NEGR1: variants seen among roughly 807,000 people sequenced by gnomAD.
NEGR1 encodes the protein neuronal growth regulator 1.
In NEGR1, 10 loss-of-function variants were observed where a neutral mutation model predicts 40.9. That is an observed-to-expected ratio of 0.24 (90% confidence interval 0.15 to 0.42). NEGR1 has a LOEUF of 0.42. Among genes scored for constraint, NEGR1 ranks in the 10% least tolerant of loss-of-function variants. The probability of loss-of-function intolerance (pLI) is 1.00; values close to 1 mark genes in which losing one functional copy is unlikely to be tolerated. For synonymous variants in NEGR1, 185 were observed against 166.8 expected, an observed-to-expected ratio of 1.11 and a Z score of -0.84; for missense variants, 352 against 438.9, an observed-to-expected ratio of 0.80 and a Z score of 1.77.
At chr1:71,619,378 C>A (rs559937953) in intron 4 of NEGR1, among the ~76,000 whole-genome samples, 2 of 152,064 alleles carry the variant, frequency 1.3e-5, no homozygotes, top group Non-Finnish European at 2.9e-5. Flanking sequence ...GCTGTTTTTG[C>A]TGGGAGTAGG....
intron 2 of NEGR1, among the ~76,000 whole-genome samples, chr1:71,801,399 T>A (rs1657551041): frequency 6.6e-6 from 1 of 152,204 alleles, no homozygotes; most frequent in Admixed American, 6.6e-5. Context: ...ATCTCCCTCA[T>A]TTCTTTCCCT....
At position 71,537,432 on chromosome 1, in the gene NEGR1, G is replaced by A. The variant is rs76588041; in HGVS notation, c.940+55385C>T. Among the ~76,000 whole-genome samples, 1,070 of 151,784 alleles carry A rather than the reference G, an allele frequency of 7.0e-3. 12 individuals are homozygous for A. The highest frequency in any genetic ancestry group is 0.024 in the African/African-American group (987 of 41,462). On this transcript the variant is annotated intron_variant, in intron 6 of 6. Transcript: ENST00000357731. ...AGTACTAGTAGCTTTTTCAATAATAGGGTCTTTTTATTAAAGGTACCTAAT... is the reference window on the plus strand; with the variant it reads ...AGTACTAGTAGCTTTTTCAATAATAAGGTCTTTTTATTAAAGGTACCTAAT...
intron 3 of NEGR1, among the ~76,000 whole-genome samples, chr1:71,724,088 A>G (rs533587419): frequency 1.1e-4 from 16 of 152,008 alleles, no homozygotes; most frequent in African/African-American, 2.2e-4. Flanking sequence ...TCCTCTCCCT[A>G]TGGGTCTCCA....
At chr1:71,684,186 C>A (rs935809562) in intron 4 of NEGR1, among the ~76,000 whole-genome samples, 2 of 151,982 alleles carry the variant, frequency 1.3e-5, no homozygotes, top group Non-Finnish European at 2.9e-5. Context: ...AGGAGAATGA[C>A]GTGAACCCGG....
intron 4 of NEGR1, among the ~76,000 whole-genome samples, chr1:71,680,073 A>T (rs2101609075): frequency 6.6e-6 from 1 of 152,074 alleles, no homozygotes; most frequent in African/African-American, 2.4e-5. Context: ...TTGGTCTATA[A>T]TATTATTTCC....
intron 6 of NEGR1, among the ~76,000 whole-genome samples, chr1:71,559,019 G>GTGTGTATATATATATATATATATA (rs377263417): frequency 8.8e-6 from 1 of 114,050 alleles, no homozygotes; most frequent in African/African-American, 3.0e-5. Context: ...CTGTGTGTGT[G>GTGTGTATATATATATATATATATA]TATATATATA....
intron 6 of NEGR1, among the ~76,000 whole-genome samples, chr1:71,469,280 G>T (rs1381660269): frequency 2.0e-5 from 3 of 151,894 alleles, no homozygotes; most frequent in African/African-American, 7.2e-5. Context: ...TTGTCACTTG[G>T]ACACCCATTA....
intron 4 of NEGR1, among the ~76,000 whole-genome samples, chr1:71,655,264 CT>C (rs1421998010): frequency 6.6e-6 from 1 of 152,096 alleles, no homozygotes; most frequent in Non-Finnish European, 1.5e-5. Flanking sequence ...AAAGAGCTAT[CT>C]CAAGCAAGAA....
chr1:72,153,300 G>A (rs1651237811), intron 1 of NEGR1, among the ~76,000 whole-genome samples: 1 of 151,890 alleles, frequency 6.6e-6, no homozygotes, highest in Non-Finnish European at 1.5e-5. Context: ...AAACTATAGT[G>A]AGATTTATCA....
intron 4 of NEGR1, among the ~76,000 whole-genome samples, chr1:71,682,601 G>A (rs1652875923): frequency 6.6e-6 from 1 of 152,088 alleles, no homozygotes; most frequent in Non-Finnish European, 1.5e-5. Context: ...TGGGACAACA[G>A]TAAATTTAAA....
rs116179875 is a variant in NEGR1 at position 71,559,240 on chromosome 1, C to T, written c.940+33577G>A. ...TTTCTTATTTTTCAACCCTAGTATA[C>T]ATGTAATATTAGTTTCAGAACTGTA... On this transcript the variant is annotated intron_variant, in intron 6 of 6. Coordinates refer to ENST00000357731, the MANE Select transcript of NEGR1 (RefSeq NM_173808.3). 5.2e-3 allele frequency among the ~76,000 whole-genome samples: 779 copies of T among 151,250 alleles called. 13 individuals are homozygous for T. Among genetic ancestry groups the T allele is most frequent in the African/African-American group, 0.018 (734 of 41,362 alleles).
chr1:72,166,274 A>T (rs1570068149), intron 1 of NEGR1, among the ~76,000 whole-genome samples: 1 of 152,034 alleles, frequency 6.6e-6, no homozygotes, highest in Non-Finnish European at 1.5e-5. Context: ...TATCAAAAAG[A>T]TGAAAGATAA....
At chr1:71,688,347 T>G in intron 4 of NEGR1, among the ~76,000 whole-genome samples, 6 of 100,712 alleles carry the variant, frequency 6.0e-5, no homozygotes, top group Admixed American at 2.3e-4. Flanking sequence ...GATAGATAGA[T>G]AGATAGATTA....
chr1:72,092,258 G>C (rs748706423), intron 1 of NEGR1, among the ~76,000 whole-genome samples: 1 of 152,130 alleles, frequency 6.6e-6, no homozygotes, highest in African/African-American at 2.4e-5. Context: ...AGGCTGGAGG[G>C]CATCCTGCAC....
intron 3 of NEGR1, among the ~76,000 whole-genome samples, chr1:71,722,699 C>G (rs908049054): frequency 1.3e-5 from 2 of 151,670 alleles, no homozygotes; most frequent in Non-Finnish European, 2.9e-5. Flanking sequence ...TTGTGTGGGT[C>G]AGAAAAAAAT....
chr1:72,138,526 A>G (rs1349631737), intron 1 of NEGR1, among the ~76,000 whole-genome samples: 1 of 151,990 alleles, frequency 6.6e-6, no homozygotes, highest in Non-Finnish European at 1.5e-5. Flanking sequence ...GTAAAAGAAT[A>G]ATAAAATATA....
At chr1:71,495,958 A>AT (rs996383964) in intron 6 of NEGR1, among the ~76,000 whole-genome samples, 156 of 151,492 alleles carry the variant, frequency 1.0e-3, no homozygotes, top group African/African-American at 2.5e-3. Context: ...TTCTTGCAAC[A>AT]TTTTTTTTTG....
chr1:72,021,034 T>A (rs1328314462), intron 1 of NEGR1, among the ~76,000 whole-genome samples: 1 of 152,162 alleles, frequency 6.6e-6, no homozygotes, highest in African/African-American at 2.4e-5. Flanking sequence ...ACTGAAACAT[T>A]TACAAAAACC....
intron 2 of NEGR1, among the ~76,000 whole-genome samples, chr1:71,877,164 C>CA (rs1570458365): frequency 6.7e-6 from 1 of 148,210 alleles, no homozygotes; most frequent in Non-Finnish European, 1.5e-5. Context: ...AAAAAAAAAA[C>CA]AAAAAAAGGG....
Sources: gnomAD v4.1 joint callset for allele counts (sites outside exome capture counted in the v4.1 genomes callset) on GRCh38, gnomAD v4.1.1 for gene constraint, MANE v1.5 for transcripts, NCBI Gene and HGNC (gene_info 2026-07-23, HGNC 2026-07-21) for gene names.